DLGAP5: variants seen among roughly 807,000 people sequenced by gnomAD.
DLGAP5 encodes disks large-associated protein 5.
DLGAP5 carries 90 observed loss-of-function variants against 99.6 expected under a neutral mutation model. The ratio of observed to expected loss-of-function variants is 0.90; its 90% confidence interval spans 0.76 to 1.08. The LOEUF (loss-of-function observed/expected upper bound fraction) is 1.08, where lower values mean the gene tolerates loss of function less well. Ranked by LOEUF, DLGAP5 falls within the 50% of genes least tolerant of loss-of-function variation. The pLI is 0.00. For synonymous variants in DLGAP5, 311 were observed against 321.3 expected, an observed-to-expected ratio of 0.97 and a Z score of 0.34; for missense variants, 1,036 against 983.5, an observed-to-expected ratio of 1.05 and a Z score of -0.71.
chr14:55,184,063 GA>G (rs1002146986), intron 2 of DLGAP5, among the ~76,000 whole-genome samples: 45 of 152,110 alleles, frequency 3.0e-4, no homozygotes, highest in African/African-American at 8.4e-4. Context: ...TGAGGTAGGA[GA>G]ATTGCTTGAA....
rs1471895688 is a variant in DLGAP5 at position 55,183,473 on chromosome 14, C to T, written c.432+87G>A. On this transcript the variant is annotated intron_variant, in intron 3 of 18. Coordinates refer to ENST00000247191, the MANE Select transcript of DLGAP5 (RefSeq NM_014750.5). ...TTCTACCAACCAGTTAATAATGAGA[C>T]TAAGGGAAAGGGGTTAGTCACTTAA... 23 of 998,504 alleles carry T rather than the reference C, an allele frequency of 2.3e-5. No individual in the cohort carries two copies. In the Admixed American group the frequency reaches 3.5e-4, roughly 15 times the overall value. The allele number at this position is 998,504 out of a possible 1,614,324, so 61.9% of individuals were successfully genotyped here. A position where few individuals can be genotyped will look rare whatever the true frequency, so the allele number is the denominator to read the frequency against.
At chr14:55,190,451 A>C (rs73273623) in intron 1 of DLGAP5, among the ~76,000 whole-genome samples, 10,366 of 152,228 alleles carry the variant, frequency 0.068, 915 homozygotes, top group African/African-American at 0.2. Flanking sequence ...AAAATTAGAA[A>C]GTTTGAGGGG....
chr14:55,157,935 T>C (rs1160019452), intron 14 of DLGAP5, among the ~76,000 whole-genome samples: 1 of 152,190 alleles, frequency 6.6e-6, no homozygotes, highest in African/African-American at 2.4e-5. Flanking sequence ...GTTAATATTT[T>C]ATTTTTTTGT....
At chr14:55,179,805 A>G in intron 6 of DLGAP5, 106 bp from the exon 7 acceptor site, 3 of 866,282 alleles carry the variant, frequency 3.5e-6, no homozygotes, top group Non-Finnish European at 1.7e-6. Flanking sequence ...TATGTCTTGA[A>G]GGATTTTTTT....
At chr14:55,179,330 AC>A (rs1883196703) in intron 7 of DLGAP5, among the ~76,000 whole-genome samples, 1 of 152,148 alleles carries the variant, frequency 6.6e-6, no homozygotes, top group African/African-American at 2.4e-5. Context: ...AATGCATTTC[AC>A]CCCACTTCAC....
intron 18 of DLGAP5, 160 bp downstream of exon 18, chr14:55,150,639 T>C (rs1189695288): frequency 1.9e-6 from 1 of 527,208 alleles, no homozygotes; most frequent in Non-Finnish European, 3.3e-6. Flanking sequence ...TTAAAGTATA[T>C]AAACACCAAA....
In DLGAP5 at chr14:55,154,855, T is replaced by A. The variant is rs1882153371; in HGVS notation, c.1874-49A>T. ...CAATACCAAATAGTTCTTTTGCTTT[T>A]CATTATAACTAGGAATACGGTGAAA... On this transcript the variant is annotated intron_variant, in intron 14 of 18. Coordinates refer to ENST00000247191, the MANE Select transcript of DLGAP5 (RefSeq NM_014750.5). 4.0e-6 allele frequency: 6 copies of A among 1,504,598 alleles called. No individual in the cohort carries two copies. The East Asian group carries it at 1.4e-4, about 34-fold the overall frequency. 93.2% of individuals were successfully genotyped at this position (1,504,598 alleles called of 1,614,324 possible).
At chr14:55,185,289 T>C (rs1883395333) in intron 2 of DLGAP5, among the ~76,000 whole-genome samples, 1 of 152,200 alleles carries the variant, frequency 6.6e-6, no homozygotes, top group African/African-American at 2.4e-5. Flanking sequence ...ATCCTCGGCC[T>C]CCCGGGTTCA....
intron 4 of DLGAP5, 69 bp from the exon 5 acceptor site, chr14:55,181,366 T>C: frequency 3.1e-6 from 4 of 1,282,928 alleles, no homozygotes; most frequent in Non-Finnish European, 3.3e-6. Flanking sequence ...TTTTAATCTG[T>C]AAATTGATTC....
In DLGAP5 at chr14:55,162,865, A is replaced by G. The variant is rs536325712; in HGVS notation, c.1653+106T>C. On this transcript the variant is annotated intron_variant, in intron 13 of 18. Coordinates refer to ENST00000247191, the MANE Select transcript of DLGAP5 (RefSeq NM_014750.5). Reference sequence around the variant, plus strand: ...GAAATCTAAACCTAAATGTTTTTAAAACTTAAAAACAAGAAGTAGAAGAAT... The same window carrying G: ...GAAATCTAAACCTAAATGTTTTTAAGACTTAAAAACAAGAAGTAGAAGAAT... 1.2e-5 allele frequency: 6 copies of G among 513,260 alleles called. No homozygotes were observed. In the South Asian group the frequency reaches 2.6e-4, roughly 23 times the overall value. 31.8% of individuals were successfully genotyped at this position (513,260 alleles called of 1,614,324 possible). A position where few individuals can be genotyped will look rare whatever the true frequency, so the allele number is the denominator to read the frequency against.
chr14:55,183,862 A>G (rs1341773839), intron 2 of DLGAP5, 109 bp from the exon 3 acceptor site: 3 of 1,210,210 alleles, frequency 2.5e-6, no homozygotes, highest in Non-Finnish European at 3.3e-6. Flanking sequence ...CTGCTAAAAA[A>G]TGCTTTCAGG....
intron 10 of DLGAP5, among the ~76,000 whole-genome samples, chr14:55,175,132 C>G (rs1188493949): frequency 6.6e-6 from 1 of 152,218 alleles, no homozygotes; most frequent in African/African-American, 2.4e-5. Flanking sequence ...GGTCACAGTG[C>G]TGAGAAGAAG....
At chr14:55,157,687 C>T (rs1029243962) in intron 14 of DLGAP5, among the ~76,000 whole-genome samples, 1 of 152,182 alleles carries the variant, frequency 6.6e-6, no homozygotes, top group Non-Finnish European at 1.5e-5. Context: ...AAAATTAGTA[C>T]GTTTACTACC....
chr14:55,150,859 A>G lies in DLGAP5; in HGVS notation c.2369-11T>C. 1 of 1,537,212 alleles carries G rather than the reference A, an allele frequency of 6.5e-7. No individual in the cohort carries two copies. The highest frequency in any genetic ancestry group is 1.2e-5 in the South Asian group (1 of 82,760). On this transcript the variant is annotated splice_polypyrimidine_tract_variant and intron_variant, in intron 17 of 18. Coordinates refer to ENST00000247191, the MANE Select transcript of DLGAP5 (RefSeq NM_014750.5). ...TATTATCAAATAGTTCTGAAAAACA[A>G]CAAAAAAAAACTTTTTAAAGAATAT...
Position 55,181,397 on chromosome 14 carries a change from C to A in DLGAP5, c.496-100G>T, listed in dbSNP as rs58737648. 4 of 874,484 alleles carry A rather than the reference C, an allele frequency of 4.6e-6. No individual in the cohort carries two copies. In the African/African-American group the frequency reaches 7.0e-5, roughly 15 times the overall value. 54.2% of individuals were successfully genotyped at this position (874,484 alleles called of 1,614,324 possible). ...GATTCCTCATATGAAATCTGATCAT[C>A]GTAAATGACCCAACAACAACAACAA... On this transcript the variant is annotated intron_variant, in intron 4 of 18. Transcript: ENST00000247191.
intron 10 of DLGAP5, among the ~76,000 whole-genome samples, chr14:55,171,715 A>T (rs1882865404): frequency 6.6e-6 from 1 of 152,244 alleles, no homozygotes; most frequent in Non-Finnish European, 1.5e-5. Context: ...GAAGCAACCC[A>T]AGTGTCCACT....
intron 18 of DLGAP5, among the ~76,000 whole-genome samples, chr14:55,150,167 C>G (rs1396292011): frequency 6.6e-6 from 1 of 152,026 alleles, no homozygotes; most frequent in African/African-American, 2.4e-5. Context: ...AGGTATGAAT[C>G]AGACAGCTCT....
intron 12 of DLGAP5, among the ~76,000 whole-genome samples, chr14:55,165,604 C>A (rs1001983666): frequency 5.3e-5 from 8 of 152,122 alleles, no homozygotes; most frequent in African/African-American, 1.9e-4. Context: ...AACAATTCCC[C>A]CTTATCTTCA....
chr14:55,156,607 CAG>C (rs905240592), intron 14 of DLGAP5, among the ~76,000 whole-genome samples: 32 of 152,316 alleles, frequency 2.1e-4, no homozygotes, highest in African/African-American at 5.3e-4. Flanking sequence ...TACCCATGTG[CAG>C]AGAGTTTCCA....
Sources: allele counts gnomAD v4.1 joint callset (sites outside exome capture counted in the v4.1 genomes callset), GRCh38; gene constraint gnomAD v4.1.1; transcripts MANE v1.5; gene names NCBI Gene and HGNC (gene_info 2026-07-23, HGNC 2026-07-21).